LGR4: variants seen among roughly 807,000 people sequenced by gnomAD.
The protein encoded by LGR4 is leucine rich repeat containing G protein-coupled receptor 4, also known as leucine-rich repeat-containing G protein-coupled receptor 4.
LGR4 carries 44 observed loss-of-function variants against 84.8 expected under a neutral mutation model. The ratio of observed to expected loss-of-function variants is 0.52; its 90% CI spans 0.41 to 0.67. LGR4 has a LOEUF of 0.67. Among genes scored for constraint, LGR4 ranks in the 30% least tolerant of loss-of-function variants. The pLI is 0.00. For synonymous variants in LGR4, 429 were observed against 434.3 expected (o/e 0.99, Z 0.15); for missense variants, 1,032 against 1,131.4 (o/e 0.91, Z 1.26).
intron 1 of LGR4, among the ~76,000 whole-genome samples, chr11:27,448,532 T>C (rs2133441292): frequency 6.6e-6 from 1 of 152,266 alleles, no homozygotes. Context: ...CCTCAGGTGA[T>C]CCGCTCGCCT....
chr11:27,451,807 A>G (rs1398262762), intron 1 of LGR4, among the ~76,000 whole-genome samples: 1 of 152,240 alleles, frequency 6.6e-6, no homozygotes, highest in African/African-American at 2.4e-5. Flanking sequence ...CATTCCTCAT[A>G]CTAAGACTGT....
At chr11:27,372,214 A>C in intron 16 of LGR4, 69 bp downstream of exon 16, 1 of 944,202 alleles carries the variant, frequency 1.1e-6, no homozygotes, top group Non-Finnish European at 1.7e-6. Context: ...TCACAAAGTA[A>C]TTATAATAAC....
chr11:27,466,189 G>A (rs980191711), intron 1 of LGR4, among the ~76,000 whole-genome samples: 4 of 151,842 alleles, frequency 2.6e-5, no homozygotes, highest in Admixed American at 6.6e-5. Flanking sequence ...CATTTGGCAG[G>A]GTTTTAACTT....
At position 27,392,525 on chromosome 11, in the gene LGR4, A is replaced by T; in HGVS notation, c.258-7T>A. On this transcript the variant is annotated splice_region_variant and splice_polypyrimidine_tract_variant and intron_variant, in intron 2 of 17. Transcript: ENST00000379214. ...GTCGTTGCCCGCCAATTGTCTAGAG[A>T]AAAAAAAAAAAAAAGTAGCAAGAAA... is the stretch of plus-strand genomic sequence containing the variant. 1 of 424,724 alleles carries T rather than the reference A, an allele frequency of 2.4e-6. No individual in the cohort carries two copies. The highest frequency in any genetic ancestry group is 3.5e-6 in the Non-Finnish European group (1 of 284,278). The allele number at this position is 424,724 out of a possible 1,614,324, so 26.3% of individuals were successfully genotyped here. A position where few individuals can be genotyped will look rare whatever the true frequency, so the allele number is the denominator to read the frequency against.
At chr11:27,465,493 C>T (rs1197717157) in intron 1 of LGR4, among the ~76,000 whole-genome samples, 2 of 152,182 alleles carry the variant, frequency 1.3e-5, no homozygotes, top group African/African-American at 4.8e-5. Flanking sequence ...TTTTAGTATG[C>T]TTTAAAGATC....
At chr11:27,440,344 C>A (rs1249484763) in intron 1 of LGR4, among the ~76,000 whole-genome samples, 3 of 152,176 alleles carry the variant, frequency 2.0e-5, no homozygotes, top group Admixed American at 2.0e-4. Flanking sequence ...ACCCAGACCG[C>A]AGTCTGTGAA....
intron 4 of LGR4, among the ~76,000 whole-genome samples, chr11:27,389,256 C>A (rs1281796869): frequency 6.6e-6 from 1 of 152,062 alleles, no homozygotes. Flanking sequence ...AGAAAACAGG[C>A]CTGACACAGA....
Position 27,368,252 on chromosome 11 carries a change from C to G in LGR4, c.2471G>C (p.Gly824Ala). ...GCTACTGATGGAAACTGAAACTGAT[C>G]CACTTTTCTTGGTAACACGTCGCTT... ...LLKRRVTKKS[G>A]SVSVSISSQG... is the part of the protein sequence containing the mutation. The change falls in exon 18 of 18, where the codon GGA (glycine) becomes GCA (alanine). Residue 824 changes from glycine to alanine, a missense_variant. By Grantham distance (60) the Gly-to-Ala change is moderately conservative. Transcript: ENST00000379214. The G allele has an allele frequency of 6.2e-7, 1 of 1,614,208 alleles. No homozygotes were observed. Among genetic ancestry groups the G allele is most frequent in the Non-Finnish European group, 8.5e-7 (1 of 1,180,044 alleles).
At position 27,367,032 on chromosome 11, in the gene LGR4, A is replaced by C. The variant is rs1862777063; in HGVS notation, c.*835T>G. 6.6e-6 allele frequency: 1 copy of C among 152,226 alleles called. No individual in the cohort carries two copies. Among genetic ancestry groups the C allele is most frequent in the South Asian group, 2.1e-4 (1 of 4,834 alleles). 9.4% of individuals were successfully genotyped at this position (152,226 alleles called of 1,614,324 possible). On this transcript the variant is annotated 3_prime_UTR_variant, in exon 18 of 18. Transcript: ENST00000379214. ...CGATATTAGGAAGTATTCATTAATGAGAACATTACATGAAGCCACCAAATC... is the reference window on the plus strand; with the variant it reads ...CGATATTAGGAAGTATTCATTAATGCGAACATTACATGAAGCCACCAAATC...
chr11:27,393,937 ATT>A (rs745861120), intron 2 of LGR4, among the ~76,000 whole-genome samples: 12 of 45,718 alleles, frequency 2.6e-4, no homozygotes, highest in Non-Finnish European at 3.2e-4. Flanking sequence ...TGCACTGAAG[ATT>A]GGGGGGGGGG....
chr11:27,423,374 T>C (rs1402981419), intron 1 of LGR4, among the ~76,000 whole-genome samples: 2 of 152,214 alleles, frequency 1.3e-5, no homozygotes, highest in Non-Finnish European at 2.9e-5. Context: ...ATCCCCATAA[T>C]GCAGGCTTGT....
chr11:27,376,159 A>G, intron 13 of LGR4, 140 bp downstream of exon 13: 1 of 493,058 alleles, frequency 2.0e-6, no homozygotes, highest in Middle Eastern at 6.1e-4. Context: ...TGTATTTAGT[A>G]GAGATGGGGT....
chr11:27,376,950 A>G (rs1862995962), intron 12 of LGR4, among the ~76,000 whole-genome samples: 1 of 152,178 alleles, frequency 6.6e-6, no homozygotes, highest in South Asian at 2.1e-4. Context: ...CCCCCCGCAT[A>G]GCGTTTCATG....
At chr11:27,397,733 C>A (rs756788080) in intron 2 of LGR4, among the ~76,000 whole-genome samples, 9 of 152,184 alleles carry the variant, frequency 5.9e-5, no homozygotes, top group Non-Finnish European at 1.0e-4. Flanking sequence ...AACATGGGAA[C>A]ATCAGTCCAC....
Position 27,366,171 on chromosome 11 carries a change from T to C in LGR4, c.*1696A>G, listed in dbSNP as rs1265467678. On this transcript the variant is annotated 3_prime_UTR_variant, in exon 18 of 18. Transcript: ENST00000379214. The stretch of plus-strand genomic sequence containing the variant: ...ATTTAATATTTATCAGATGTGTAAA[T>C]ATACATGATAGCAATTTTTAAAACT... The C allele has an allele frequency of 6.6e-6, 1 of 152,598 alleles. No individual in the cohort carries two copies. The highest frequency in any genetic ancestry group is 6.5e-5 in the Admixed American group (1 of 15,276). 9.5% of individuals were successfully genotyped at this position (152,598 alleles called of 1,614,324 possible). A position where few individuals can be genotyped will look rare whatever the true frequency, so the allele number is the denominator to read the frequency against.
At chr11:27,393,528 T>C (rs988093852) in intron 2 of LGR4, among the ~76,000 whole-genome samples, 1 of 152,092 alleles carries the variant, frequency 6.6e-6, no homozygotes, top group Admixed American at 6.5e-5. Flanking sequence ...TTAAAATTTA[T>C]AATTAAATTT....
chr11:27,459,669 G>A (rs1483624740), intron 1 of LGR4, among the ~76,000 whole-genome samples: 1 of 151,796 alleles, frequency 6.6e-6, no homozygotes. Context: ...TAGAGACGGG[G>A]TTTCACCATC....
chr11:27,382,297 G>C (rs768789573), intron 6 of LGR4, 41 bp from the exon 7 acceptor site: 1 of 1,300,176 alleles, frequency 7.7e-7, no homozygotes, highest in East Asian at 2.3e-5. Context: ...ATATTAAATA[G>C]TGGTCATAAT....
intron 1 of LGR4, among the ~76,000 whole-genome samples, chr11:27,415,316 G>C (rs556476683): frequency 6.6e-6 from 1 of 152,246 alleles, no homozygotes; most frequent in Non-Finnish European, 1.5e-5. Flanking sequence ...AGTTATCACT[G>C]TAACAGAAAA....
Sources: allele counts gnomAD v4.1 joint callset (sites outside exome capture counted in the v4.1 genomes callset), GRCh38; gene constraint gnomAD v4.1.1; transcripts MANE v1.5; gene names NCBI Gene and HGNC (gene_info 2026-07-23, HGNC 2026-07-21).